The following GRAMD1B variants were observed in gnomAD, a reference collection of about 807,000 sequenced individuals.
GRAMD1B encodes the protein protein Aster-B.
In GRAMD1B, 37 loss-of-function variants were observed where a neutral mutation model predicts 99.7. The observed-to-expected ratio is 0.37, with a 90% CI of 0.29 to 0.49. GRAMD1B has a LOEUF of 0.49. Among genes scored for constraint, GRAMD1B ranks in the 20% least tolerant of loss-of-function variants. The probability of loss-of-function intolerance (pLI) is 0.98; values close to 1 mark genes in which losing one functional copy is unlikely to be tolerated. For missense variants in GRAMD1B, 888 were observed against 1,009.2 expected, an observed-to-expected ratio of 0.88 and a Z score of 1.63; for synonymous variants, 427 against 387.6, an observed-to-expected ratio of 1.10 and a Z score of -1.19.
chr11:123,568,536 A>C (rs904861722), intron 2 of GRAMD1B, among the ~76,000 whole-genome samples: 6 of 152,202 alleles, frequency 3.9e-5, no homozygotes, highest in Non-Finnish European at 8.8e-5. Context: ...CATTTCTGTC[A>C]AGATGTTGCC....
chr11:123,597,256 CTTTTTTTTTTTTTTTT>C lies in GRAMD1B; in HGVS notation c.969+1234_969+1249del, dbSNP rs71060518. On this transcript the variant is annotated intron_variant, in intron 7 of 19. Transcript: ENST00000635736. ...GGGACTACAGTGCATGCCACTATGC[CTTTTTTTTTTTTTTTT>C]TTTTTTTTTTTTTTAAGAGACAGGC... 4.0e-4 allele frequency among the ~76,000 whole-genome samples: 31 copies of C among 76,548 alleles called. 1 individual carries two copies. The highest frequency in any genetic ancestry group is 2.0e-3 in the East Asian group (5 of 2,482). 50.2% of individuals were successfully genotyped at this position (76,548 alleles called of 152,430 possible).
intron 2 of GRAMD1B, among the ~76,000 whole-genome samples, chr11:123,512,828 C>T (rs1202301599): frequency 6.6e-6 from 1 of 151,058 alleles, no homozygotes; most frequent in East Asian, 2.0e-4. Context: ...AGAGGGTCCA[C>T]GAGCCCCCTT....
At chr11:123,418,293 G>A (rs1948300810) in intron 1 of GRAMD1B, among the ~76,000 whole-genome samples, 2 of 152,172 alleles carry the variant, frequency 1.3e-5, no homozygotes, top group South Asian at 4.1e-4. Flanking sequence ...GGTTTCCCAA[G>A]GGGAGTTGGA....
At chr11:123,438,246 T>G (rs1366234455) in intron 1 of GRAMD1B, among the ~76,000 whole-genome samples, 1 of 152,172 alleles carries the variant, frequency 6.6e-6, no homozygotes, top group African/African-American at 2.4e-5. Flanking sequence ...AGTTCAGAGA[T>G]TAACATTCTC....
chr11:123,596,042 G>C lies in GRAMD1B; in HGVS notation c.969+5G>C, dbSNP rs1354206902. The C allele has an allele frequency of 6.5e-7, 1 of 1,541,042 alleles. No homozygotes were observed. Among genetic ancestry groups the C allele is most frequent in the Non-Finnish European group, 8.9e-7 (1 of 1,119,354 alleles). ...GTTTGCACTGATTCAGAAAAGGTAA[G>C]TGGAGTCTAACTCTGGCCTTTCTAA... On this transcript the variant is annotated splice_donor_5th_base_variant and intron_variant, in intron 7 of 19. Transcript: ENST00000635736.
Position 123,577,590 on chromosome 11 carries a change from C to G in GRAMD1B, c.663+13C>G. On this transcript the variant is annotated intron_variant, in intron 3 of 19. Coordinates refer to ENST00000635736, the MANE Select transcript of GRAMD1B (RefSeq NM_001387025.1). Reference sequence around the variant, plus strand: ...CAAGAATTCCAAGGTGAGCGGGACCCCGTTGAGGCGGTACCTCCTTGTCAG... The same window carrying G: ...CAAGAATTCCAAGGTGAGCGGGACCGCGTTGAGGCGGTACCTCCTTGTCAG... 1 of 1,561,860 alleles carries G rather than the reference C, an allele frequency of 6.4e-7. No individual in the cohort carries two copies. Among genetic ancestry groups the G allele is most frequent in the East Asian group, 2.4e-5 (1 of 41,514 alleles).
chr11:123,487,222 G>A (rs1445460742), intron 2 of GRAMD1B, among the ~76,000 whole-genome samples: 3 of 152,122 alleles, frequency 2.0e-5, no homozygotes, highest in African/African-American at 2.4e-5. Context: ...ACCAAGGCTC[G>A]GGGAATTAAA....
intron 2 of GRAMD1B, chr11:123,509,929 A>C (rs374837205): frequency 6.6e-6 from 1 of 152,300 alleles, no homozygotes. Context: ...GGCTGCTCTC[A>C]TGTACCTTTA....
intron 2 of GRAMD1B, among the ~76,000 whole-genome samples, chr11:123,513,520 TTCC>T (rs1480097973): frequency 7.5e-6 from 1 of 132,548 alleles, no homozygotes; most frequent in African/African-American, 2.8e-5. Flanking sequence ...CTTTCTTTCC[TTCC>T]TTCCTTCCTT....
Position 123,603,468 on chromosome 11 carries a change from T to A in GRAMD1B, c.1093T>A (p.Tyr365Asn). 6.2e-7 allele frequency: 1 copy of A among 1,613,572 alleles called. No individual in the cohort carries two copies. The highest frequency in any genetic ancestry group is 2.2e-5 in the East Asian group (1 of 44,876). ...GCTCTGGCACTTTGTTCACCAGTGC[T>A]ATGGGAACGAATTGGGCCTGACCAG... ...KELWHFVHQC[Y>N]GNELGLTSDD... The change falls in exon 9 of 20, where the codon TAT becomes AAT. Residue 365 changes from tyrosine to asparagine, a missense_variant. Transcript: ENST00000635736.
At position 123,385,245 on chromosome 11, in the gene GRAMD1B, T is replaced by C. The variant is rs150555654; in HGVS notation, c.-176+26446T>C. Among the ~76,000 whole-genome samples the C allele has an allele frequency of 1.4e-4, 22 of 152,272 alleles. No homozygotes were observed. In the East Asian group the frequency reaches 4.2e-3, roughly 29 times the overall value. On this transcript the variant is annotated intron_variant, in intron 1 of 20. Transcript: ENST00000638157. ...CCAATCAATGACCCCATTCTGACCA[T>C]TTTGTCTCTGCAGTTTTCCTTACTC... is the stretch of plus-strand genomic sequence containing the variant.
chr11:123,557,937 T>A (rs1946319898), intron 2 of GRAMD1B, among the ~76,000 whole-genome samples: 2 of 150,904 alleles, frequency 1.3e-5, no homozygotes, highest in Admixed American at 1.3e-4. Flanking sequence ...CACCAACCCC[T>A]GTGTCTATGC....
intron 2 of GRAMD1B, among the ~76,000 whole-genome samples, chr11:123,490,390 G>A (rs1938418126): frequency 6.6e-6 from 1 of 152,110 alleles, no homozygotes; most frequent in Admixed American, 6.6e-5. Context: ...TAGTCAAAAG[G>A]GTCTTGGTCT....
At chr11:123,473,242 G>T (rs1591637328) in intron 1 of GRAMD1B, among the ~76,000 whole-genome samples, 1 of 152,018 alleles carries the variant, frequency 6.6e-6, no homozygotes, top group African/African-American at 2.4e-5. Context: ...TTTTGTATTT[G>T]TAGTAGAGAC....
At chr11:123,615,216 G>A (rs944361987) in intron 17 of GRAMD1B, among the ~76,000 whole-genome samples, 1 of 152,228 alleles carries the variant, frequency 6.6e-6, no homozygotes, top group African/African-American at 2.4e-5. Context: ...GATGTTCTGG[G>A]TGTCTGCTCT....
intron 6 of GRAMD1B, 69 bp from the exon 7 acceptor site, chr11:123,595,873 A>G: frequency 2.4e-6 from 2 of 823,608 alleles, no homozygotes; most frequent in South Asian, 3.1e-5. Context: ...CGCCCCCTGA[A>G]CACTGTTTAC....
intron 1 of GRAMD1B, among the ~76,000 whole-genome samples, chr11:123,391,511 C>T (rs945458613): frequency 2.6e-5 from 4 of 152,136 alleles, no homozygotes; most frequent in African/African-American, 9.7e-5. Flanking sequence ...GGCTGGAGTG[C>T]AGTGGCATGA....
intron 12 of GRAMD1B, among the ~76,000 whole-genome samples, chr11:123,609,435 C>T (rs547029560): frequency 5.9e-5 from 9 of 152,276 alleles, no homozygotes; most frequent in South Asian, 4.1e-4. Context: ...GCTGAGGGCA[C>T]GGGGAGGTCA....
At chr11:123,548,995 C>T (rs1045520134) in intron 2 of GRAMD1B, among the ~76,000 whole-genome samples, 2 of 152,220 alleles carry the variant, frequency 1.3e-5, no homozygotes, top group South Asian at 2.1e-4. Context: ...CTCCCACCCC[C>T]TCATGGCAGT....
Sources: allele counts gnomAD v4.1 joint callset (sites outside exome capture counted in the v4.1 genomes callset), GRCh38; gene constraint gnomAD v4.1.1; transcripts MANE v1.5; gene names NCBI Gene and HGNC (gene_info 2026-07-23, HGNC 2026-07-21).